The following ERCC6L2 variants were observed in gnomAD, a reference collection of about 807,000 sequenced individuals.
ERCC6L2 encodes the protein ERCC excision repair 6 like 2.
A neutral mutation model predicts 132.0 loss-of-function variants in ERCC6L2; 77 were observed. That is an observed-to-expected ratio of 0.58 (90% CI 0.49 to 0.71). The LOEUF (loss-of-function observed/expected upper bound fraction) is 0.71, where lower values mean the gene tolerates loss of function less well. Ranked by LOEUF, ERCC6L2 falls within the 30% of genes least tolerant of loss-of-function variation. The pLI, the probability that ERCC6L2 is intolerant of heterozygous loss-of-function variation, is 0.00. For missense variants in ERCC6L2, 1,542 were observed against 1,837.6 expected (o/e 0.84, Z 2.94); for synonymous variants, 583 against 632.4 (o/e 0.92, Z 1.17).
chr9:95,901,962 A>G (rs1311229696), intron 3 of ERCC6L2, among the ~76,000 whole-genome samples: 1 of 152,222 alleles, frequency 6.6e-6, no homozygotes, highest in Non-Finnish European at 1.5e-5. Flanking sequence ...AGAAGAAATC[A>G]TTTCTTTTGT....
chr9:95,881,130 C>G lies in ERCC6L2; in HGVS notation c.308C>G (p.Ser103Cys). ...YFPNRKFPSS[S>C]VAFKLSDNGD... ...CCAAACCGAAAATTTCCATCATCTT[C>G]TGTTGCTTTTAAATTATCTGACAAT... is the stretch of plus-strand genomic sequence containing the variant. The change falls in exon 2 of 19, where the codon TCT becomes TGT. Residue 103 changes from serine (S) to cysteine (C), a missense_variant. Physicochemically the swap from Ser to Cys is moderately radical, Grantham distance 112. Coordinates refer to ENST00000653738, the MANE Select transcript of ERCC6L2 (RefSeq NM_020207.7). The G allele has an allele frequency of 1.9e-6, 3 of 1,613,738 alleles. No individual in the cohort carries two copies.
chr9:95,968,574 T>G (rs1329496467), intron 14 of ERCC6L2: 1 of 152,178 alleles, frequency 6.6e-6, no homozygotes, highest in Non-Finnish European at 1.5e-5. Flanking sequence ...TGTGAGACAT[T>G]TTTAATTTTT....
intron 16 of ERCC6L2, 35 bp from the exon 17 acceptor site, chr9:95,978,026 G>A (rs769763484): frequency 1.5e-6 from 2 of 1,335,496 alleles, no homozygotes; most frequent in African/African-American, 1.5e-5. Flanking sequence ...GCTTTATACT[G>A]ATACATCACT....
At chr9:95,892,077 A>G (rs1489987014) in intron 2 of ERCC6L2, among the ~76,000 whole-genome samples, 1 of 152,142 alleles carries the variant, frequency 6.6e-6, no homozygotes, top group African/African-American at 2.4e-5. Context: ...TGGTTGAACA[A>G]GTTGTAATTT....
At chr9:95,931,815 TA>T (rs1362030249) in intron 11 of ERCC6L2, among the ~76,000 whole-genome samples, 1 of 151,374 alleles carries the variant, frequency 6.6e-6, no homozygotes, top group Non-Finnish European at 1.5e-5. Flanking sequence ...TTGTGCTGGG[TA>T]CAGTAGGCTT....
intron 17 of ERCC6L2, among the ~76,000 whole-genome samples, chr9:95,998,934 T>G (rs1833560225): frequency 6.6e-6 from 1 of 152,248 alleles, no homozygotes; most frequent in Non-Finnish European, 1.5e-5. Context: ...TTCCTAAAAT[T>G]TATTTTTAAT....
In ERCC6L2 at chr9:95,966,668, T is replaced by C; in HGVS notation, c.2054T>C (p.Phe685Ser). 1 of 1,520,336 alleles carries C rather than the reference T, an allele frequency of 6.6e-7. No individual in the cohort carries two copies. Among genetic ancestry groups the C allele is most frequent in the African/African-American group, 1.4e-5 (1 of 73,870 alleles). The allele number at this position is 1,520,336 out of a possible 1,614,324, so 94.2% of individuals were successfully genotyped here. Residue 685 changes from phenylalanine (F) to serine (S), a missense_variant, in exon 14 of 19, where the codon TTC (phenylalanine) becomes TCC (serine). Transcript: ENST00000653738. Reference sequence around the variant, plus strand: ...GAGCTTTTTGGGATCCATAACCTCTTCAAATTTAGGTCCCAAGGGTCTTGT... The same window carrying C: ...GAGCTTTTTGGGATCCATAACCTCTCCAAATTTAGGTCCCAAGGGTCTTGT... ...QGELFGIHNL[F>S]KFRSQGSCLT...
chr9:95,893,350 T>C (rs2132579094), intron 2 of ERCC6L2, among the ~76,000 whole-genome samples: 1 of 152,308 alleles, frequency 6.6e-6, no homozygotes, highest in East Asian at 1.9e-4. Flanking sequence ...GTGTTCTGTG[T>C]GCTAATATTT....
At chr9:95,956,243 G>A (rs768334893) in intron 13 of ERCC6L2, among the ~76,000 whole-genome samples, 4 of 152,136 alleles carry the variant, frequency 2.6e-5, no homozygotes, top group Non-Finnish European at 5.9e-5. Flanking sequence ...GTGTACATGC[G>A]AATTACCAAG....
intron 12 of ERCC6L2, among the ~76,000 whole-genome samples, chr9:95,951,937 A>G (rs1014756125): frequency 6.6e-6 from 1 of 151,972 alleles, no homozygotes; most frequent in Non-Finnish European, 1.5e-5. Flanking sequence ...TAGGAGGTCA[A>G]GGCAGGCGGA....
chr9:96,029,303 C>CAAAAAAAAAAAAAAA (rs201014094), intron 19 of ERCC6L2, among the ~76,000 whole-genome samples: 1 of 81,778 alleles, frequency 1.2e-5, no homozygotes, highest in African/African-American at 3.9e-5. Context: ...GACTCCGTCT[C>CAAAAAAAAAAAAAAA]AAAAAAAAAA....
At chr9:95,888,707 C>T (rs1050765170) in intron 2 of ERCC6L2, among the ~76,000 whole-genome samples, 4 of 152,128 alleles carry the variant, frequency 2.6e-5, no homozygotes, top group African/African-American at 9.7e-5. Flanking sequence ...CCCAAATCTC[C>T]TTGCATGTCA....
chr9:95,995,444 T>C (rs568673377), intron 17 of ERCC6L2, among the ~76,000 whole-genome samples: 3 of 152,336 alleles, frequency 2.0e-5, no homozygotes, highest in South Asian at 4.1e-4. Context: ...TAGAGAATTA[T>C]GGATAGTTAG....
chr9:95,898,038 T>A, intron 3 of ERCC6L2, 67 bp downstream of exon 3: 3 of 1,343,256 alleles, frequency 2.2e-6, no homozygotes, highest in Non-Finnish European at 3.1e-6. Context: ...TAGAAATATT[T>A]AAATATCACA....
At chr9:95,954,876 A>G (rs1287032981) in intron 12 of ERCC6L2, 2 of 471,006 alleles carry the variant, frequency 4.2e-6, no homozygotes, top group African/African-American at 2.0e-5. Context: ...TGAGATTTGC[A>G]GGATCCAAGA....
At chr9:95,893,304 G>T (rs941770674) in intron 2 of ERCC6L2, among the ~76,000 whole-genome samples, 2 of 152,054 alleles carry the variant, frequency 1.3e-5, no homozygotes, top group East Asian at 1.9e-4. Context: ...TACCCAGTTT[G>T]GTTTTGGTAT....
Position 95,907,224 on chromosome 9 carries a change from T to G in ERCC6L2, c.741T>G (p.Ala247=), listed in dbSNP as rs749771113. The change falls in exon 4 of 19, where the codon GCT becomes GCG. Residue 247 remains alanine (A), a synonymous_variant. Transcript: ENST00000653738. ...TAAAGCAGAGGAAATGTGAAATTGC[T>G]CTAACAACTTATGAAACACTACGCT... ...IRVKQRKCEI[A]LTTYETLRLC... The G allele has an allele frequency of 1.9e-6, 3 of 1,613,220 alleles. No homozygotes were observed. In the South Asian group the frequency reaches 3.3e-5, roughly 18 times the overall value.
chr9:96,020,417 G>A, downstream of ERCC6L2: 1 of 283,084 alleles, frequency 3.5e-6, no homozygotes, highest in Non-Finnish European at 6.9e-6. Context: ...CCAAATCATA[G>A]GGCAGGTCAT....
intron 12 of ERCC6L2, among the ~76,000 whole-genome samples, chr9:95,943,387 G>A (rs1379302933): frequency 6.6e-6 from 1 of 151,838 alleles, no homozygotes; most frequent in Non-Finnish European, 1.5e-5. Context: ...AAAAATTTAG[G>A]GGCAACAACT....
Sources: allele counts gnomAD v4.1 joint callset (sites outside exome capture counted in the v4.1 genomes callset), GRCh38; gene constraint gnomAD v4.1.1; transcripts MANE v1.5; gene names NCBI Gene and HGNC (gene_info 2026-07-23, HGNC 2026-07-21).